The following SYT16 variants were observed in gnomAD, a reference collection of about 807,000 sequenced individuals.
The protein encoded by SYT16 is synaptotagmin 16, also known as synaptotagmin-16.
Under a neutral mutation model 61.4 loss-of-function variants are expected in SYT16, and 42 were observed. The observed-to-expected ratio is 0.68, with a 90% CI of 0.53 to 0.89. The LOEUF is 0.89. SYT16 is among the 40% of genes least tolerant of loss of function. The pLI, the probability that SYT16 is intolerant of heterozygous loss-of-function variation, is 0.00. For missense variants in SYT16, 804 were observed against 807.3 expected (o/e 1.00, Z 0.05); for synonymous variants, 314 against 302.3 (o/e 1.04, Z -0.40).
intron 3 of SYT16, among the ~76,000 whole-genome samples, chr14:62,048,109 AT>A (rs957881561): frequency 1.3e-5 from 2 of 151,908 alleles, no homozygotes; most frequent in African/African-American, 4.8e-5. Context: ...CTGGTCCTGG[AT>A]TTTTTTTGGT....
intron 3 of SYT16, among the ~76,000 whole-genome samples, chr14:62,011,397 A>C (rs1009476652): frequency 2.0e-5 from 3 of 152,186 alleles, no homozygotes; most frequent in East Asian, 3.8e-4. Context: ...ATAAAAAAAA[A>C]CACCACCACT....
At chr14:61,930,502 C>G (rs1233329903) in intron 1 of SYT16, among the ~76,000 whole-genome samples, 1 of 152,086 alleles carries the variant, frequency 6.6e-6, no homozygotes, top group African/African-American at 2.4e-5. Context: ...TTCTCCACCC[C>G]TTCCCTTTGG....
rs1214491713 is a variant in SYT16 at position 61,905,979 on chromosome 14, G to C, written c.-324-64153G>C. Among the ~76,000 whole-genome samples, 3 of 152,090 alleles carry C rather than the reference G, an allele frequency of 2.0e-5. No homozygotes were observed. In the East Asian group the frequency reaches 5.8e-4, roughly 29 times the overall value. On this transcript the variant is annotated intron_variant, in intron 1 of 7. Coordinates refer to ENST00000683842, the MANE Select transcript of SYT16 (RefSeq NM_001367656.1). ...ACCACGTTGGCCAGGATGGTCTTGA[G>C]CTCTTGACCTCGTGATCCGCCTGCC...
At chr14:62,090,480 C>A (rs1038666876) in intron 7 of SYT16, among the ~76,000 whole-genome samples, 1 of 152,212 alleles carries the variant, frequency 6.6e-6, no homozygotes, top group South Asian at 2.1e-4. Context: ...GAAAAAAAGA[C>A]TCAGTGAAAA....
Position 61,867,526 on chromosome 14 carries a change from C to T in SYT16, c.-325+54716C>T, listed in dbSNP as rs529034116. On this transcript the variant is annotated intron_variant, in intron 1 of 7. Coordinates refer to ENST00000683842, the MANE Select transcript of SYT16 (RefSeq NM_001367656.1). ...TGAATTGGAATCTACATAAAAGCTA[C>T]GAGAATTAATAAATGAGTCTAACAA... is the stretch of plus-strand genomic sequence containing the variant. Among the ~76,000 whole-genome samples the T allele has an allele frequency of 9.2e-4, 140 of 151,872 alleles. 1 individual carries two copies. The highest frequency in any genetic ancestry group is 1.4e-3 in the Non-Finnish European group (98 of 67,860).
intron 1 of SYT16, among the ~76,000 whole-genome samples, chr14:61,935,329 C>A (rs1159989249): frequency 6.6e-6 from 1 of 152,180 alleles, no homozygotes; most frequent in East Asian, 1.9e-4. Flanking sequence ...CTCATTCTGG[C>A]CCTTTTCATG....
intron 1 of SYT16, among the ~76,000 whole-genome samples, chr14:61,901,019 G>A (rs2048494744): frequency 6.6e-6 from 1 of 152,154 alleles, no homozygotes; most frequent in African/African-American, 2.4e-5. Context: ...GTATGGTCTT[G>A]GAAGGGTTCT....
intron 1 of SYT16, among the ~76,000 whole-genome samples, chr14:61,958,712 G>C (rs937486053): frequency 3.9e-5 from 6 of 152,020 alleles, no homozygotes; most frequent in Non-Finnish European, 7.4e-5. Context: ...TAATTGAGAA[G>C]AATGATTACT....
intron 5 of SYT16, 136 bp from the exon 6 acceptor site, chr14:62,080,698 A>T: frequency 1.2e-6 from 1 of 837,096 alleles, no homozygotes; most frequent in East Asian, 2.7e-5. Flanking sequence ...CAGTAAACAG[A>T]CCTATCTGAT....
intron 7 of SYT16, among the ~76,000 whole-genome samples, chr14:62,092,356 A>G (rs1310676573): frequency 6.6e-6 from 1 of 152,022 alleles, no homozygotes; most frequent in Non-Finnish European, 1.5e-5. Flanking sequence ...GAATCACCAT[A>G]TAACTCAGCA....
At chr14:61,962,124 A>C (rs537831814) in intron 1 of SYT16, among the ~76,000 whole-genome samples, 1 of 152,272 alleles carries the variant, frequency 6.6e-6, no homozygotes, top group East Asian at 1.9e-4. Flanking sequence ...TTGAGGATGG[A>C]GAATGGGAGG....
At chr14:62,091,917 T>C (rs2057089951) in intron 7 of SYT16, among the ~76,000 whole-genome samples, 2 of 151,980 alleles carry the variant, frequency 1.3e-5, no homozygotes, top group Admixed American at 1.3e-4. Flanking sequence ...AGACCACCCA[T>C]AGAATGGGAG....
At chr14:61,939,619 C>T (rs765071236) in intron 1 of SYT16, among the ~76,000 whole-genome samples, 4 of 152,126 alleles carry the variant, frequency 2.6e-5, no homozygotes, top group African/African-American at 7.2e-5. Flanking sequence ...GGATGCCAGT[C>T]GTGTTGGATC....
intron 2 of SYT16, among the ~76,000 whole-genome samples, chr14:61,992,027 G>C (rs929209209): frequency 2.0e-5 from 3 of 151,888 alleles, no homozygotes; most frequent in East Asian, 1.9e-4. Flanking sequence ...GTGGATTCTG[G>C]AGCTACAAAG....
intron 2 of SYT16, among the ~76,000 whole-genome samples, chr14:61,981,016 T>C (rs574635059): frequency 1.3e-5 from 2 of 152,178 alleles, no homozygotes; most frequent in South Asian, 4.2e-4. Flanking sequence ...GCTTACATGA[T>C]CATGGAAGCT....
intron 3 of SYT16, among the ~76,000 whole-genome samples, chr14:62,055,453 C>T (rs996731992): frequency 5.9e-5 from 9 of 152,094 alleles, no homozygotes; most frequent in Admixed American, 2.6e-4. Context: ...GAAAGGAGGG[C>T]GCAGTGAATC....
Position 62,026,198 on chromosome 14 carries a change from G to A in SYT16, c.523+29656G>A, listed in dbSNP as rs74891235. Among the ~76,000 whole-genome samples, 15 of 152,288 alleles carry A rather than the reference G, an allele frequency of 9.8e-5. No individual in the cohort carries two copies. The East Asian group carries it at 2.5e-3, about 25-fold the overall frequency. Reference sequence around the variant, plus strand: ...TTAAGTATAGCATGGATCACAATGAGTGGGGGGAATGTCTCCCATGATCCA... The same window carrying A: ...TTAAGTATAGCATGGATCACAATGAATGGGGGGAATGTCTCCCATGATCCA... On this transcript the variant is annotated intron_variant, in intron 3 of 7. Coordinates refer to ENST00000683842, the MANE Select transcript of SYT16 (RefSeq NM_001367656.1).
intron 3 of SYT16, among the ~76,000 whole-genome samples, chr14:62,050,533 A>G (rs2055228436): frequency 6.6e-6 from 1 of 152,094 alleles, no homozygotes; most frequent in Non-Finnish European, 1.5e-5. Flanking sequence ...GTTCCTTTGG[A>G]GGAGGAGAGG....
rs912011165 is a variant in SYT16 at position 61,964,355 on chromosome 14, C to T, written c.-324-5777C>T. Among the ~76,000 whole-genome samples the T allele has an allele frequency of 3.9e-5, 6 of 152,068 alleles. No individual in the cohort carries two copies. The South Asian group carries it at 1.2e-3, about 32-fold the overall frequency. On this transcript the variant is annotated intron_variant, in intron 1 of 7. Coordinates refer to ENST00000683842, the MANE Select transcript of SYT16 (RefSeq NM_001367656.1). Reference sequence around the variant, plus strand: ...AACAAGAGTTTGGAAGAAGTTGATTCTAACCCTCTTGGATGACTTTGTGGG... The same window carrying T: ...AACAAGAGTTTGGAAGAAGTTGATTTTAACCCTCTTGGATGACTTTGTGGG...
Sources: gnomAD v4.1 joint callset for allele counts (sites outside exome capture counted in the v4.1 genomes callset) on GRCh38, gnomAD v4.1.1 for gene constraint, MANE v1.5 for transcripts, NCBI Gene and HGNC (gene_info 2026-07-23, HGNC 2026-07-21) for gene names.